UBR4: variants seen among roughly 807,000 people sequenced by gnomAD.
The protein encoded by UBR4 is ubiquitin protein ligase E3 component n-recognin 4.
UBR4 carries 124 observed loss-of-function variants against 575.6 expected under a neutral mutation model. That is an observed-to-expected ratio of 0.22 (90% confidence interval 0.19 to 0.25). The LOEUF is 0.25. UBR4 is among the 10% of genes least tolerant of loss of function. The pLI is 1.00. For synonymous variants in UBR4, 2,455 were observed against 2,473.7 expected (o/e 0.99, Z 0.22); for missense variants, 4,818 against 6,478.8 (o/e 0.74, Z 8.80).
At chr1:19,113,361 G>A in intron 77 of UBR4, 1 of 327,864 alleles carries the variant, frequency 3.1e-6, no homozygotes, top group Non-Finnish European at 5.6e-6. Flanking sequence ...GGCGTTATCA[G>A]AAGAGGGAAC....
intron 8 of UBR4, among the ~76,000 whole-genome samples, chr1:19,196,031 A>G (rs2092436693): frequency 6.8e-6 from 1 of 146,880 alleles, no homozygotes; most frequent in Non-Finnish European, 1.5e-5. Flanking sequence ...CTTACGTAGT[A>G]TGTTCCCCCA....
chr1:19,199,805 A>G, intron 2 of UBR4, 51 bp from the exon 3 acceptor site: 1 of 1,528,418 alleles, frequency 6.5e-7, no homozygotes, highest in Non-Finnish European at 9.0e-7. Flanking sequence ...GCGTTGGTCA[A>G]TAAATTAAGC....
Position 19,124,563 on chromosome 1 carries a change from G to C in UBR4, c.9566C>G (p.Ser3189Trp), listed in dbSNP as rs749139093. The change falls in exon 65 of 106, where the codon TCG becomes TGG. Residue 3189 changes from serine (S) to tryptophan (W), a missense_variant. By Grantham distance (177) the Ser-to-Trp change is radical. Coordinates refer to ENST00000375254, the MANE Select transcript of UBR4 (RefSeq NM_020765.3). ...TACCTCGGAGAGAAAGTAAAACCAC[G>C]AGTGGTCAAAGACAGGAGGTGGGAT... ...SRIPPPVFDHSWFYFLSEYLM... is the reference protein window; with the variant it reads ...SRIPPPVFDHWWFYFLSEYLM... 1 of 1,614,186 alleles carries C rather than the reference G, an allele frequency of 6.2e-7. No homozygotes were observed. The highest frequency in any genetic ancestry group is 8.5e-7 in the Non-Finnish European group (1 of 1,180,018).
chr1:19,138,136 T>G lies in UBR4; in HGVS notation c.8777A>C (p.His2926Pro). Residue 2926 changes from histidine (H) to proline (P), a missense_variant, in exon 60 of 106, where the codon CAT (histidine) becomes CCT (proline). Physicochemically the swap from His to Pro is moderately conservative, Grantham distance 77. This residue lies in a region of UBR4 where 57 missense variants were observed against 101.5 expected (regional missense o/e 0.56). Transcript: ENST00000375254. ...GCTGACACTTCCTGGTCCAGCCGGA[T>G]GCCCCTCAGCTGTAGCATCGCCATA... ...SAYGDATAEG[H>P]PAGPGSVSSS... is the part of the protein sequence containing the mutation. 6.3e-7 allele frequency: 1 copy of G among 1,596,378 alleles called. No homozygotes were observed. The highest frequency in any genetic ancestry group is 8.6e-7 in the Non-Finnish European group (1 of 1,169,540).
intron 37 of UBR4, 59 bp from the exon 38 acceptor site, chr1:19,161,206 G>T: frequency 6.7e-7 from 1 of 1,501,286 alleles, no homozygotes; most frequent in Non-Finnish European, 9.1e-7. Flanking sequence ...AGGAAATACT[G>T]CCTGAGATCT....
In UBR4 at chr1:19,140,103, A is replaced by G. The variant is rs537711999; in HGVS notation, c.8593+685T>C. Among the ~76,000 whole-genome samples the G allele has an allele frequency of 7.9e-5, 12 of 152,098 alleles. 1 individual carries two copies. The South Asian group carries it at 2.5e-3, about 32-fold the overall frequency. On this transcript the variant is annotated intron_variant, in intron 58 of 105. Coordinates refer to ENST00000375254, the MANE Select transcript of UBR4 (RefSeq NM_020765.3). ...CAGGCTAAAACTTCCAAAAGAAAAG[A>G]AAAAAAACAAACACAAGGAAGCATC...
At chr1:19,182,547 C>T (rs1300442420) in intron 17 of UBR4, among the ~76,000 whole-genome samples, 1 of 152,098 alleles carries the variant, frequency 6.6e-6, no homozygotes, top group East Asian at 1.9e-4. Context: ...AATTGACATA[C>T]TGTTTTCCAC....
At position 19,115,508 on chromosome 1, in the gene UBR4, G is replaced by A. The variant is rs1405857748; in HGVS notation, c.10953C>T (p.Tyr3651=). ...ACTGCAGGGTCTCTGTGGAGGCCTGGTAGTTTTCATAGAAGTCTGCAAACT... is the reference window on the plus strand; with the variant it reads ...ACTGCAGGGTCTCTGTGGAGGCCTGATAGTTTTCATAGAAGTCTGCAAACT... ...MIEFADFYEN[Y]QASTETLQCP... Residue 3651 remains tyrosine (Y), a synonymous_variant, in exon 74 of 106, where the codon TAC becomes TAT. Transcript: ENST00000375254. 8.1e-6 allele frequency: 13 copies of A among 1,614,090 alleles called. No individual in the cohort carries two copies. Among genetic ancestry groups the A allele is most frequent in the East Asian group, 6.7e-5 (3 of 44,902 alleles).
intron 39 of UBR4, among the ~76,000 whole-genome samples, chr1:19,158,839 C>A (rs2086840527): frequency 1.3e-5 from 2 of 151,934 alleles, no homozygotes. Context: ...GACTATTATT[C>A]CCTTAAAAAT....
chr1:19,156,768 T>C lies in UBR4; in HGVS notation c.5918A>G (p.Lys1973Arg). 1 of 1,613,140 alleles carries C rather than the reference T, an allele frequency of 6.2e-7. No homozygotes were observed. The highest frequency in any genetic ancestry group is 8.5e-7 in the Non-Finnish European group (1 of 1,179,232). Residue 1973 changes from lysine to arginine, a missense_variant and splice_region_variant, in exon 41 of 106, where the codon AAG becomes AGG. Physicochemically the swap from Lys to Arg is conservative, Grantham distance 26 (BLOSUM62 2). Around this residue, in one of 29 missense-constraint regions of UBR4, gnomAD observed 461 missense variants for 606.9 expected, o/e 0.76. Transcript: ENST00000375254. ...KEDYLAVCGLKDCHVLTFSSS... is the reference protein window; with the variant it reads ...KEDYLAVCGLRDCHVLTFSSS... Reference sequence around the variant, plus strand: ...TCAAACCTAGATCCGGATTTTTACCTTTAGCCCACAAACCGCCAAGTAGTC... The same window carrying C: ...TCAAACCTAGATCCGGATTTTTACCCTTAGCCCACAAACCGCCAAGTAGTC...
intron 13 of UBR4, 45 bp from the exon 14 acceptor site, chr1:19,186,702 T>C: frequency 6.4e-7 from 1 of 1,574,382 alleles, no homozygotes; most frequent in Non-Finnish European, 8.7e-7. Context: ...CTATTTAATC[T>C]CATGCATCGC....
Position 19,153,525 on chromosome 1 carries a change from G to A in UBR4, c.6631-23C>T. On this transcript the variant is annotated intron_variant, in intron 45 of 105. Coordinates refer to ENST00000375254, the MANE Select transcript of UBR4 (RefSeq NM_020765.3). This position sits in a 1 kb window ranked among gnomAD's most constrained non-coding sequence, Gnocchi z 4.1. ...GATCTAGGAGGAGAGGACAAAGGAGGGTCTTCGTTCCCACACCCACAGATC... is the reference window on the plus strand; with the variant it reads ...GATCTAGGAGGAGAGGACAAAGGAGAGTCTTCGTTCCCACACCCACAGATC... The A allele has an allele frequency of 1.2e-6, 2 of 1,612,406 alleles. No homozygotes were observed. Among genetic ancestry groups the A allele is most frequent in the Non-Finnish European group, 1.7e-6 (2 of 1,179,412 alleles).
chr1:19,206,351 T>C (rs867717145), intron 1 of UBR4, among the ~76,000 whole-genome samples: 1 of 151,324 alleles, frequency 6.6e-6, no homozygotes, highest in Non-Finnish European at 1.5e-5. Context: ...TTTTTTTTTT[T>C]AGATGGAGTT....
intron 60 of UBR4, among the ~76,000 whole-genome samples, chr1:19,131,259 A>T (rs568748848): frequency 0.015 from 2,216 of 145,936 alleles, 35 homozygotes; most frequent in Middle Eastern, 0.024. Flanking sequence ...AAAAAAAAAA[A>T]AAAAAAAAAA....
chr1:19,086,195 C>A lies in UBR4; in HGVS notation c.14763G>T (p.Pro4921=), dbSNP rs145487384. 6.2e-7 allele frequency: 1 copy of A among 1,613,992 alleles called. No individual in the cohort carries two copies. The highest frequency in any genetic ancestry group is 8.5e-7 in the Non-Finnish European group (1 of 1,180,040). The change falls in exon 101 of 106, where the codon CCG becomes CCT. Residue 4921 remains proline, a synonymous_variant. Transcript: ENST00000375254. ...ATTCAGGGACATGAGGTCCCCAGAC[C>A]GGAAGGAGCCCGTTGCACTTGGTGT... ...NANTKCNGLL[P]VWGPHVPESA...
chr1:19,081,147 A>C, intron 103 of UBR4: 1 of 541,090 alleles, frequency 1.8e-6, no homozygotes, highest in Non-Finnish European at 3.3e-6. Flanking sequence ...TAGTAGCGGA[A>C]CAGAAAACCC....
At chr1:19,101,252 T>C (rs2078606771) in intron 88 of UBR4, among the ~76,000 whole-genome samples, 1 of 152,268 alleles carries the variant, frequency 6.6e-6, no homozygotes, top group Admixed American at 6.5e-5. Flanking sequence ...ATTTTGGTAA[T>C]GGAGGTTAGA....
intron 60 of UBR4, among the ~76,000 whole-genome samples, chr1:19,130,429 T>C (rs544824599): frequency 6.6e-6 from 1 of 152,244 alleles, no homozygotes; most frequent in East Asian, 1.9e-4. Context: ...CTCAGGAAGA[T>C]CACTTGATCC....
chr1:19,204,597 T>G (rs995727680), intron 1 of UBR4, among the ~76,000 whole-genome samples: 2 of 152,000 alleles, frequency 1.3e-5, no homozygotes, highest in Admixed American at 1.3e-4. Flanking sequence ...CCTATTGTGA[T>G]CTAATGAACC....
Sources: allele counts gnomAD v4.1 joint callset (sites outside exome capture counted in the v4.1 genomes callset), GRCh38; gene constraint gnomAD v4.1.1; regional missense constraint gnomAD v4.1.1; non-coding constraint Gnocchi (gnomAD v3.1); transcripts MANE v1.5; gene names NCBI Gene and HGNC (gene_info 2026-07-23, HGNC 2026-07-21).